The following HEPH variants were observed in gnomAD, a reference collection of about 807,000 sequenced individuals.
HEPH encodes hephaestin.
In HEPH, 69 loss-of-function variants were observed where a neutral mutation model predicts 80.8. The observed-to-expected ratio is 0.85, with a 90% CI of 0.70 to 1.04. The LOEUF is 1.04. Among genes scored for constraint, HEPH ranks in the 50% least tolerant of loss-of-function variants. HEPH has a pLI of 0.00. For missense variants in HEPH, 1,115 were observed against 891.3 expected (o/e 1.25, Z -3.20); for synonymous variants, 431 against 322.8 (o/e 1.34, Z -3.60).
intron 15 of HEPH, among the ~76,000 whole-genome samples, chrX:66,239,165 G>A (rs2090474188): frequency 8.9e-6 from 1 of 112,198 alleles, no homozygotes; most frequent in Non-Finnish European, 1.9e-5. Context: ...CCAACATCCA[G>A]TATCCCTGGT....
At chrX:66,248,047 C>A (rs1290961197) in intron 15 of HEPH, among the ~76,000 whole-genome samples, 2 of 110,684 alleles carry the variant, frequency 1.8e-5, no homozygotes, top group African/African-American at 3.3e-5. Flanking sequence ...TAATTCCTAT[C>A]ATTCATACTC....
In HEPH at chrX:66,189,902, T is replaced by C; in HGVS notation, c.1027T>C (p.Trp343Arg). Residue 343 changes from tryptophan (W) to arginine (R), a missense_variant, in exon 6 of 21, where the codon TGG becomes CGG. Physicochemically the swap from Trp to Arg is moderately radical, Grantham distance 101. Coordinates refer to ENST00000343002, the MANE Select transcript of HEPH (RefSeq NM_001367233.3). ...GATGGTGCCCTGGGAACCTGGTACC[T>C]GGTTAATTAGCTGCCAAGTGAACAG... ...AEMVPWEPGT[W>R]LISCQVNSHF... 8.4e-7 allele frequency: 1 copy of C among 1,190,473 alleles called. No individual in the cohort carries two copies. Among genetic ancestry groups the C allele is most frequent in the Admixed American group, 2.3e-5 (1 of 42,753 alleles).
intron 15 of HEPH, among the ~76,000 whole-genome samples, chrX:66,239,017 G>A (rs1372305425): frequency 8.9e-6 from 1 of 112,402 alleles, no homozygotes; most frequent in Non-Finnish European, 1.9e-5. Flanking sequence ...TGGGCCAGGT[G>A]TTCCTTGCCC....
chrX:66,232,390 C>G, intron 15 of HEPH, among the ~76,000 whole-genome samples: 1 of 111,657 alleles, frequency 9.0e-6, no homozygotes, highest in East Asian at 2.8e-4. Flanking sequence ...CATACAGCTT[C>G]TCCTGTATTT....
At chrX:66,206,821 G>T (rs2088806599) in intron 13 of HEPH, among the ~76,000 whole-genome samples, 1 of 109,507 alleles carries the variant, frequency 9.1e-6, no homozygotes, top group African/African-American at 3.3e-5. Context: ...TTCAAAACCA[G>T]CCTGACCAAC....
intron 15 of HEPH, among the ~76,000 whole-genome samples, chrX:66,230,308 G>T (rs1175697016): frequency 1.0e-5 from 1 of 97,173 alleles, no homozygotes; most frequent in African/African-American, 4.5e-5. Flanking sequence ...GGATGGCTGG[G>T]TCAAATGGTA....
intron 8 of HEPH, 107 bp from the exon 9 acceptor site, chrX:66,194,991 T>A: frequency 1.5e-6 from 1 of 649,775 alleles, no homozygotes; most frequent in Admixed American, 4.2e-5. Context: ...TTTTTTATTT[T>A]CTTCTTCACT....
At chrX:66,186,490 T>C (rs765763785) in intron 4 of HEPH, among the ~76,000 whole-genome samples, 40 of 112,599 alleles carry the variant, frequency 3.6e-4, no homozygotes, top group South Asian at 3.0e-3. Flanking sequence ...CACCCCTTTC[T>C]TTGACTCAGA....
intron 5 of HEPH, 57 bp downstream of exon 5, chrX:66,188,598 C>T (rs1379520193): frequency 5.8e-6 from 6 of 1,030,176 alleles, no homozygotes; most frequent in South Asian, 2.2e-5. Context: ...AGGGTATCCA[C>T]TGGGCCTAGT....
chrX:66,246,050 A>G (rs190615414), intron 15 of HEPH, among the ~76,000 whole-genome samples: 195 of 111,917 alleles, frequency 1.7e-3, no homozygotes, highest in Non-Finnish European at 3.0e-3. Flanking sequence ...TCCTGGGGGA[A>G]CATGGGGTTG....
intron 8 of HEPH, 106 bp downstream of exon 8, chrX:66,193,744 A>G: frequency 3.7e-6 from 2 of 540,854 alleles, no homozygotes; most frequent in Non-Finnish European, 5.8e-6. Context: ...GTAGACCAGC[A>G]TCTCCCAAAG....
At chrX:66,206,207 A>T (rs1246107928) in intron 13 of HEPH, among the ~76,000 whole-genome samples, 1 of 109,874 alleles carries the variant, frequency 9.1e-6, no homozygotes, top group Non-Finnish European at 1.9e-5. Context: ...CTTTTGTAAA[A>T]CTAATTTCAT....
At chrX:66,177,808 T>C (rs1307100485) in intron 4 of HEPH, among the ~76,000 whole-genome samples, 1 of 111,522 alleles carries the variant, frequency 9.0e-6, no homozygotes, top group Non-Finnish European at 1.9e-5. Context: ...GGTGTGACCT[T>C]AGAATGTCAG....
chrX:66,226,878 T>A (rs1279472881), intron 15 of HEPH, among the ~76,000 whole-genome samples: 1 of 111,620 alleles, frequency 9.0e-6, no homozygotes, highest in Non-Finnish European at 1.9e-5. Flanking sequence ...GGTACCCATG[T>A]TATTGACACT....
At chrX:66,256,486 T>C in intron 17 of HEPH, 156 bp downstream of exon 17, 1 of 444,062 alleles carries the variant, frequency 2.3e-6, no homozygotes, top group Non-Finnish European at 3.8e-6. Context: ...GCATTTCCTA[T>C]TATTGTACAT....
At chrX:66,226,703 A>C (rs1028305779) in intron 15 of HEPH, among the ~76,000 whole-genome samples, 1 of 111,712 alleles carries the variant, frequency 9.0e-6, no homozygotes, top group Admixed American at 9.5e-5. Context: ...AAGATTGATA[A>C]ATTCCTGGAA....
intron 19 of HEPH, among the ~76,000 whole-genome samples, chrX:66,263,137 G>A (rs1215967777): frequency 9.0e-6 from 1 of 111,521 alleles, no homozygotes; most frequent in Non-Finnish European, 1.9e-5. Context: ...AATAATATGA[G>A]CCTCAAAAGA....
intron 15 of HEPH, among the ~76,000 whole-genome samples, chrX:66,217,210 G>C (rs147505046): frequency 9.0e-6 from 1 of 110,990 alleles, no homozygotes; most frequent in African/African-American, 3.3e-5. Context: ...CAAACAGATC[G>C]TTGCCTAGGT....
chrX:66,235,440 T>G (rs908569674), intron 15 of HEPH, among the ~76,000 whole-genome samples: 1 of 110,439 alleles, frequency 9.1e-6, no homozygotes. Flanking sequence ...CTAGCACCAT[T>G]TATTCAATTA....
Sources: gnomAD v4.1 joint callset for allele counts (sites outside exome capture counted in the v4.1 genomes callset) on GRCh38, gnomAD v4.1.1 for gene constraint, MANE v1.5 for transcripts, NCBI Gene and HGNC (gene_info 2026-07-23, HGNC 2026-07-21) for gene names.